Variants in PDLIM3 observed in about 807,000 individuals in gnomAD.
The protein encoded by PDLIM3 is PDZ and LIM domain protein 3.
Under a neutral mutation model 37.3 loss-of-function variants are expected in PDLIM3, and 36 were observed. The ratio of observed to expected loss-of-function variants is 0.97; its 90% confidence interval spans 0.74 to 1.28. PDLIM3 has a LOEUF of 1.28. Among genes scored for constraint, PDLIM3 ranks in the 50% most tolerant of loss-of-function variants. The pLI is 0.00. For missense variants in PDLIM3, 454 were observed against 485.0 expected (o/e 0.94, Z 0.60); for synonymous variants, 174 against 182.4 (o/e 0.95, Z 0.37).
intron 4 of PDLIM3, 37 bp from the exon 5 acceptor site, chr4:185,508,599 C>G: frequency 1.2e-6 from 2 of 1,611,376 alleles, no homozygotes; most frequent in Non-Finnish European, 8.5e-7. Context: ...GAGATGGCAC[C>G]GGGAGCCAGA....
chr4:185,526,881 C>T (rs2095735195), intron 1 of PDLIM3, among the ~76,000 whole-genome samples: 1 of 152,210 alleles, frequency 6.6e-6, no homozygotes, highest in South Asian at 2.1e-4. Flanking sequence ...CTCAGAAAGA[C>T]TTCGCCAAAC....
In PDLIM3 at chr4:185,504,841, A is replaced by AT. The variant is rs2095694027; in HGVS notation, c.794-256dup. On this transcript the variant is annotated intron_variant, in intron 6 of 7. Coordinates refer to ENST00000284767, the MANE Select transcript of PDLIM3 (RefSeq NM_014476.6). The surrounding 1 kb of genome is among the most constrained non-coding windows in gnomAD (Gnocchi z 4.7). ...GCTCAAAGGAGCAGAGGGCATTATT[A>AT]TTTTTTATTGTAGCAAAATATACAT... 6.6e-6 allele frequency among the ~76,000 whole-genome samples: 1 copy of AT among 152,196 alleles called. No individual in the cohort carries two copies. The highest frequency in any genetic ancestry group is 1.5e-5 in the Non-Finnish European group (1 of 68,022).
At position 185,511,201 on chromosome 4, in the gene PDLIM3, T is replaced by C. The variant is rs147227570; in HGVS notation, c.399-2639A>G. 5.2e-3 allele frequency among the ~76,000 whole-genome samples: 787 copies of C among 152,354 alleles called. 6 individuals carry two copies. Among genetic ancestry groups the C allele is most frequent in the African/African-American group, 0.018 (733 of 41,588 alleles). On this transcript the variant is annotated intron_variant, in intron 4 of 7. Coordinates refer to ENST00000284767, the MANE Select transcript of PDLIM3 (RefSeq NM_014476.6). ...TCATTTGGATCTAAAATACCTTACA[T>C]ATGTATTTAATTGTAGCTTTACCCT... is the stretch of plus-strand genomic sequence containing the variant.
intron 1 of PDLIM3, among the ~76,000 whole-genome samples, chr4:185,530,490 T>C (rs1449107902): frequency 6.6e-6 from 1 of 151,346 alleles, no homozygotes; most frequent in African/African-American, 2.4e-5. Flanking sequence ...GAGGGAGGAG[T>C]GAAGAGGGGG....
chr4:185,510,356 T>A (rs2095704566), intron 4 of PDLIM3, among the ~76,000 whole-genome samples: 1 of 152,192 alleles, frequency 6.6e-6, no homozygotes, highest in Non-Finnish European at 1.5e-5. Context: ...AGATAAACAA[T>A]GATCAATTTA....
At chr4:185,503,551 T>C (rs2095691040) in intron 7 of PDLIM3, among the ~76,000 whole-genome samples, 1 of 152,094 alleles carries the variant, frequency 6.6e-6, no homozygotes, top group South Asian at 2.1e-4. Flanking sequence ...GCAGGAGGAA[T>C]GGAATAAGGG....
chr4:185,528,886 C>T (rs1019805018), intron 1 of PDLIM3, among the ~76,000 whole-genome samples: 6 of 152,192 alleles, frequency 3.9e-5, no homozygotes, highest in South Asian at 4.1e-4. Flanking sequence ...CTAAGTTAAA[C>T]GATCTGTTTT....
chr4:185,529,295 T>G (rs1430959161), intron 1 of PDLIM3, among the ~76,000 whole-genome samples: 3 of 152,176 alleles, frequency 2.0e-5, no homozygotes, highest in African/African-American at 7.2e-5. Flanking sequence ...GTTATTCACA[T>G]CAACTTATAT....
chr4:185,531,227 T>C (rs1418180324), intron 1 of PDLIM3, among the ~76,000 whole-genome samples: 1 of 152,186 alleles, frequency 6.6e-6, no homozygotes, highest in Non-Finnish European at 1.5e-5. Context: ...AAAGAAAAGA[T>C]GCTCACTTGA....
In PDLIM3 at chr4:185,508,382, A is replaced by G. The variant is rs1195252662; in HGVS notation, c.579T>C (p.Pro193=). The G allele has an allele frequency of 1.2e-6, 2 of 1,613,878 alleles. No homozygotes were observed. Among genetic ancestry groups the G allele is most frequent in the Non-Finnish European group, 8.5e-7 (1 of 1,179,878 alleles). The stretch of plus-strand genomic sequence containing the variant: ...TATTGTCATCTGAGTACAACTGCAT[A>G]GGTGTATTAAACTGAGCATGTACAA... ...VKIVHAQFNT[P]MQLYSDDNIM... is the part of the protein sequence containing the mutation. Residue 193 remains proline (P), a synonymous_variant, in exon 5 of 8, where the codon CCT becomes CCC. Transcript: ENST00000284767.
intron 5 of PDLIM3, among the ~76,000 whole-genome samples, chr4:185,507,363 CAAT>C (rs1347034884): frequency 6.6e-6 from 1 of 152,066 alleles, no homozygotes; most frequent in Admixed American, 6.5e-5. Flanking sequence ...TCATAATAGA[CAAT>C]AAAGAATTTC....
At chr4:185,502,974 T>A (rs1260911346) in intron 7 of PDLIM3, among the ~76,000 whole-genome samples, 3 of 151,976 alleles carry the variant, frequency 2.0e-5, no homozygotes, top group Admixed American at 1.3e-4. Context: ...ACGCCTGAAA[T>A]CCCAGCACTT....
At position 185,504,560 on chromosome 4, in the gene PDLIM3, C is replaced by T; in HGVS notation, c.820G>A (p.Val274Met). 1 of 1,614,124 alleles carries T rather than the reference C, an allele frequency of 6.2e-7. No individual in the cohort carries two copies. The highest frequency in any genetic ancestry group is 8.5e-7 in the Non-Finnish European group (1 of 1,179,980). The change falls in exon 7 of 8, where the codon GTG becomes ATG. Residue 274 changes from valine (V) to methionine (M), a missense_variant. Transcript: ENST00000284767. This position sits in a 1 kb window ranked among gnomAD's most constrained non-coding sequence, Gnocchi z 4.7. Reference sequence around the variant, plus strand: ...TGGACTTTCGTCACCGGAGCTCTCACACTCCGCGTTCCAGCCGGACGGTCA... The same window carrying T: ...TGGACTTTCGTCACCGGAGCTCTCATACTCCGCGTTCCAGCCGGACGGTCA... ...SDDRPAGTRS[V>M]RAPVTKVHGG...
At chr4:185,532,816 G>A (rs750158903) in intron 1 of PDLIM3, among the ~76,000 whole-genome samples, 4 of 152,182 alleles carry the variant, frequency 2.6e-5, no homozygotes, top group East Asian at 1.9e-4. Context: ...TGAATTGGAC[G>A]GGGGAGCCAA....
intron 1 of PDLIM3, among the ~76,000 whole-genome samples, chr4:185,533,785 A>G (rs1342573691): frequency 6.6e-6 from 1 of 152,236 alleles, no homozygotes; most frequent in Non-Finnish European, 1.5e-5. Flanking sequence ...GATTAATTAT[A>G]TTGACATACG....
In PDLIM3 at chr4:185,502,503, G is replaced by A; in HGVS notation, c.906-20C>T. ...GCACCGCTGTTGGGGAAGAAAACGA[G>A]CTCAAGTTAAAAAACCACAGAGCAA... On this transcript the variant is annotated intron_variant, in intron 7 of 7. Transcript: ENST00000284767. 1 of 1,612,364 alleles carries A rather than the reference G, an allele frequency of 6.2e-7. No individual in the cohort carries two copies. Among genetic ancestry groups the A allele is most frequent in the East Asian group, 2.2e-5 (1 of 44,848 alleles).
At chr4:185,531,705 G>A (rs181099774) in intron 1 of PDLIM3, among the ~76,000 whole-genome samples, 140 of 152,094 alleles carry the variant, frequency 9.2e-4, no homozygotes, top group African/African-American at 3.2e-3. Context: ...GATTTAATGG[G>A]GACTCGATTA....
rs966443931 is a variant in PDLIM3 at position 185,522,522 on chromosome 4, C to A, written c.330+840G>T. Among the ~76,000 whole-genome samples, 11 of 66,706 alleles carry A rather than the reference C, an allele frequency of 1.6e-4. 5 individuals carry two copies. Among genetic ancestry groups the A allele is most frequent in the African/African-American group, 3.0e-4 (11 of 36,536 alleles). 43.8% of individuals were successfully genotyped at this position (66,706 alleles called of 152,430 possible). On this transcript the variant is annotated intron_variant, in intron 3 of 7. Transcript: ENST00000284767. Reference sequence around the variant, plus strand: ...TAAACATAAATTACAAATACGTTTTCAGTTCCCTTTCATCAGTTATATAGA... The same window carrying A: ...TAAACATAAATTACAAATACGTTTTAAGTTCCCTTTCATCAGTTATATAGA...
intron 5 of PDLIM3, among the ~76,000 whole-genome samples, chr4:185,507,573 T>C (rs913886279): frequency 1.3e-5 from 2 of 152,180 alleles, no homozygotes; most frequent in Non-Finnish European, 2.9e-5. Context: ...CTCTGAAGCA[T>C]TATAATAATT....
Sources: gnomAD v4.1 joint callset for allele counts (sites outside exome capture counted in the v4.1 genomes callset) on GRCh38, gnomAD v4.1.1 for gene constraint, Gnocchi (gnomAD v3.1) non-coding constraint, MANE v1.5 for transcripts, NCBI Gene and HGNC (gene_info 2026-07-23, HGNC 2026-07-21) for gene names.